The following C9orf43 variants were observed in gnomAD, a reference collection of about 807,000 sequenced individuals.
C9orf43 encodes the protein uncharacterized protein C9orf43.
Under a neutral mutation model 59.1 loss-of-function variants are expected in C9orf43, and 45 were observed. That is an observed-to-expected ratio of 0.76 (90% CI 0.60 to 0.98). The LOEUF (loss-of-function observed/expected upper bound fraction) is 0.98. Among genes scored for constraint, C9orf43 ranks in the 50% least tolerant of loss-of-function variants. The probability of loss-of-function intolerance (pLI) is 0.00; values close to 1 mark genes in which losing one functional copy is unlikely to be tolerated. For missense variants in C9orf43, 533 were observed against 554.9 expected (o/e 0.96, Z 0.40); for synonymous variants, 203 against 196.8 (o/e 1.03, Z -0.26).
chr9:113,428,819 C>T, intron 12 of C9orf43, 81 bp from the exon 13 acceptor site: 4 of 1,250,578 alleles, frequency 3.2e-6, no homozygotes, highest in South Asian at 1.2e-5. Context: ...TTAATTTCTC[C>T]AAGAGAAGCA....
At chr9:113,427,599 C>G (rs1588115292) in intron 11 of C9orf43, among the ~76,000 whole-genome samples, 1 of 152,292 alleles carries the variant, frequency 6.6e-6, no homozygotes, top group African/African-American at 2.4e-5. Flanking sequence ...TCATTTCTCC[C>G]AGTGTACAGC....
intron 3 of C9orf43, 63 bp from the exon 4 acceptor site, chr9:113,419,045 C>T: frequency 7.4e-7 from 1 of 1,344,374 alleles, no homozygotes; most frequent in Non-Finnish European, 1.1e-6. Flanking sequence ...CCTCATAGCA[C>T]TAACGTTATC....
chr9:113,413,515 C>A lies in C9orf43; in HGVS notation c.22C>A (p.Gln8Lys), dbSNP rs1828247266. MDLPDES[Q>K]WDETTCGLAV... ...AGCTATGGACTTGCCAGATGAGAGCCAGTGGGACGAAACCACCTGTGGCTT... is the reference window on the plus strand; with the variant it reads ...AGCTATGGACTTGCCAGATGAGAGCAAGTGGGACGAAACCACCTGTGGCTT... The change falls in exon 2 of 14, where the codon CAG (glutamine) becomes AAG (lysine). Residue 8 changes from glutamine to lysine, a missense_variant. Transcript: ENST00000374165. The A allele has an allele frequency of 6.2e-7, 1 of 1,613,694 alleles. No individual in the cohort carries two copies. The highest frequency in any genetic ancestry group is 2.2e-5 in the East Asian group (1 of 44,876).
At chr9:113,421,880 T>A (rs1189530496) in intron 5 of C9orf43, among the ~76,000 whole-genome samples, 1 of 152,180 alleles carries the variant, frequency 6.6e-6, no homozygotes, top group African/African-American at 2.4e-5. Flanking sequence ...AAAACAACCC[T>A]AAGGGTTTAT....
In C9orf43 at chr9:113,429,553, A is replaced by G. The variant is rs113193344; in HGVS notation, c.*167A>G. The G allele has an allele frequency of 0.052, 30,658 of 593,978 alleles. 1,040 individuals carry two copies. The highest frequency in any genetic ancestry group is 0.094 in the South Asian group (4,195 of 44,438). The allele number at this position is 593,978 out of a possible 1,614,324, so 36.8% of individuals were successfully genotyped here. On this transcript the variant is annotated 3_prime_UTR_variant, in exon 14 of 14. Coordinates refer to ENST00000374165, the MANE Select transcript of C9orf43 (RefSeq NM_001278629.2). ...CCTGAGCTCTGAGCTTAGGGATTCC[A>G]TTTTCTTTGTTCACCTCTACTTGCC...
chr9:113,421,449 T>C (rs1437311512), intron 5 of C9orf43, among the ~76,000 whole-genome samples: 1 of 151,546 alleles, frequency 6.6e-6, no homozygotes, highest in Non-Finnish European at 1.5e-5. Flanking sequence ...GCATACAAGA[T>C]AGGGCTCAAC....
In C9orf43 at chr9:113,428,929, C is replaced by CT; in HGVS notation, c.1138dup (p.Tyr380LeufsTer2). On this transcript the variant is annotated frameshift_variant, in exon 13 of 14. Transcript: ENST00000374165. LOFTEE classifies it low-confidence loss of function (END_TRUNC). Reference sequence around the variant, plus strand: ...CCACGGAGAGACCAAAGATGAACTACTATGACCATGCGGATTTCCACCACA... The same window carrying CT: ...CCACGGAGAGACCAAAGATGAACTACTTATGACCATGCGGATTTCCACCACA... The CT allele has an allele frequency of 6.2e-7, 1 of 1,613,866 alleles. No individual in the cohort carries two copies. The highest frequency in any genetic ancestry group is 8.5e-7 in the Non-Finnish European group (1 of 1,179,762).
chr9:113,422,268 A>G (rs944666112), intron 5 of C9orf43, among the ~76,000 whole-genome samples: 2 of 152,218 alleles, frequency 1.3e-5, no homozygotes, highest in African/African-American at 2.4e-5. Context: ...GATTCATGCT[A>G]TGAAAGTAGG....
At chr9:113,413,327 G>T in intron 1 of C9orf43, 118 bp from the exon 2 acceptor site, 1 of 836,638 alleles carries the variant, frequency 1.2e-6, no homozygotes, top group Non-Finnish European at 1.7e-6. Context: ...TTATTTTGTG[G>T]CCATCATTTA....
chr9:113,424,523 T>TC (rs1204628779), intron 8 of C9orf43, among the ~76,000 whole-genome samples: 2 of 151,026 alleles, frequency 1.3e-5, no homozygotes, highest in South Asian at 2.1e-4. Flanking sequence ...TTTCTTTCTT[T>TC]TTTTTTTTTT....
Position 113,429,106 on chromosome 9 carries a change from C to G in C9orf43, c.1172-66C>G, listed in dbSNP as rs574579850. 3.6e-4 allele frequency: 559 copies of G among 1,556,826 alleles called. 8 individuals are homozygous for G. The South Asian group carries it at 6.0e-3, about 17-fold the overall frequency. On this transcript the variant is annotated intron_variant, in intron 13 of 13. Transcript: ENST00000374165. ...CTAAAAACACCCCATTTTTCCTTTTCTGTCCTCCATTTGTTGTAGTTGAGA... is the reference window on the plus strand; with the variant it reads ...CTAAAAACACCCCATTTTTCCTTTTGTGTCCTCCATTTGTTGTAGTTGAGA...
intron 5 of C9orf43, among the ~76,000 whole-genome samples, 191 bp downstream of exon 5, chr9:113,421,394 A>T (rs1416650490): frequency 6.6e-6 from 1 of 151,980 alleles, no homozygotes; most frequent in African/African-American, 2.4e-5. Flanking sequence ...TTTGAGATTC[A>T]TGCTGTGGGA....
intron 3 of C9orf43, among the ~76,000 whole-genome samples, chr9:113,414,168 T>A (rs938401302): frequency 1.3e-5 from 2 of 152,226 alleles, no homozygotes; most frequent in Non-Finnish European, 2.9e-5. Flanking sequence ...TATTTTCTTG[T>A]AATTCTTGAG....
chr9:113,422,378 TC>T (rs1210410279), intron 5 of C9orf43, among the ~76,000 whole-genome samples, 170 bp from the exon 6 acceptor site: 1 of 152,228 alleles, frequency 6.6e-6, no homozygotes, highest in Non-Finnish European at 1.5e-5. Flanking sequence ...ACTGCTGGGT[TC>T]CCAACCAGCT....
In C9orf43 at chr9:113,425,741, T is replaced by C. The variant is rs761406961; in HGVS notation, c.1030+11T>C. The C allele has an allele frequency of 3.0e-5, 48 of 1,605,312 alleles. No homozygotes were observed. Among genetic ancestry groups the C allele is most frequent in the Non-Finnish European group, 3.9e-5 (46 of 1,172,138 alleles). Reference sequence around the variant, plus strand: ...ATGACCGTCTCTATGGTAAGGGGAATATATGCTTGGTTGGGGGTGATAGGA... The same window carrying C: ...ATGACCGTCTCTATGGTAAGGGGAACATATGCTTGGTTGGGGGTGATAGGA... On this transcript the variant is annotated intron_variant, in intron 11 of 13. Coordinates refer to ENST00000374165, the MANE Select transcript of C9orf43 (RefSeq NM_001278629.2).
Position 113,429,492 on chromosome 9 carries a change from G to C in C9orf43, c.*106G>C. Reference sequence around the variant, plus strand: ...GCAACGTTTCACATAAGGGCAAGAGGAGAGGGGCTTCTGCTCTCTGGAGCC... The same window carrying C: ...GCAACGTTTCACATAAGGGCAAGAGCAGAGGGGCTTCTGCTCTCTGGAGCC... On this transcript the variant is annotated 3_prime_UTR_variant, in exon 14 of 14. Transcript: ENST00000374165. 3 of 891,522 alleles carry C rather than the reference G, an allele frequency of 3.4e-6. No individual in the cohort carries two copies. The highest frequency in any genetic ancestry group is 5.3e-6 in the Non-Finnish European group (3 of 571,246). The allele number at this position is 891,522 out of a possible 1,614,324, so 55.2% of individuals were successfully genotyped here. A position where few individuals can be genotyped will look rare whatever the true frequency, so the allele number is the denominator to read the frequency against.
chr9:113,419,097 T>A lies in C9orf43; in HGVS notation c.288-11T>A, dbSNP rs775172917. 6.2e-7 allele frequency: 1 copy of A among 1,606,434 alleles called. No homozygotes were observed. The highest frequency in any genetic ancestry group is 1.7e-5 in the Admixed American group (1 of 59,232). On this transcript the variant is annotated splice_polypyrimidine_tract_variant and intron_variant, in intron 3 of 13. Transcript: ENST00000374165. Reference sequence around the variant, plus strand: ...TGTATTTCTGTTTTATGTGTGGAACTCATTTTTTAGGCCTCCGAAGGGTTT... The same window carrying A: ...TGTATTTCTGTTTTATGTGTGGAACACATTTTTTAGGCCTCCGAAGGGTTT...
chr9:113,417,944 T>A (rs1456041718), intron 3 of C9orf43, among the ~76,000 whole-genome samples: 2 of 152,212 alleles, frequency 1.3e-5, no homozygotes, highest in Non-Finnish European at 2.9e-5. Context: ...TTCCTAAAGA[T>A]CTTTATCATT....
intron 6 of C9orf43, among the ~76,000 whole-genome samples, chr9:113,423,040 C>T (rs1828643414): frequency 6.6e-6 from 1 of 152,196 alleles, no homozygotes. Context: ...ATCCCTAGCC[C>T]TGTGCCTGAC....
Sources: allele counts gnomAD v4.1 joint callset (sites outside exome capture counted in the v4.1 genomes callset), GRCh38; gene constraint gnomAD v4.1.1; transcripts MANE v1.5; gene names NCBI Gene and HGNC (gene_info 2026-07-23, HGNC 2026-07-21).